The following ANGPT1 variants were observed in gnomAD, a reference collection of about 807,000 sequenced individuals.
The protein encoded by ANGPT1 is angiopoietin 1, also known as angiopoietin-1.
ANGPT1 carries 17 observed loss-of-function variants against 62.2 expected under a neutral mutation model. The observed-to-expected ratio is 0.27, with a 90% CI of 0.19 to 0.41. The LOEUF (loss-of-function observed/expected upper bound fraction) is 0.41, where lower values mean the gene tolerates loss of function less well. ANGPT1 is among the 10% of genes least tolerant of loss of function. The probability of loss-of-function intolerance (pLI) is 1.00; values close to 1 mark genes in which losing one functional copy is unlikely to be tolerated. For synonymous variants in ANGPT1, 199 were observed against 198.9 expected (o/e 1.00, Z 0.00); for missense variants, 478 against 594.9 (o/e 0.80, Z 2.04).
At chr8:107,361,823 C>A (rs909686842) in intron 1 of ANGPT1, among the ~76,000 whole-genome samples, 5 of 151,984 alleles carry the variant, frequency 3.3e-5, no homozygotes, top group African/African-American at 4.8e-5. Context: ...TTTTGGAAGG[C>A]CAAGACAGGC....
intron 7 of ANGPT1, 62 bp downstream of exon 7, chr8:107,284,620 C>A: frequency 7.8e-7 from 1 of 1,286,844 alleles, no homozygotes; most frequent in Admixed American, 2.8e-5. Flanking sequence ...CATATTTTCC[C>A]ACTACAATTA....
chr8:107,475,664 G>C (rs1166097686), intron 1 of ANGPT1, among the ~76,000 whole-genome samples: 1 of 152,152 alleles, frequency 6.6e-6, no homozygotes, highest in Non-Finnish European at 1.5e-5. Flanking sequence ...CAGAATGGGA[G>C]AAAATTTTTG....
chr8:107,344,817 A>G (rs542023918), intron 2 of ANGPT1, among the ~76,000 whole-genome samples: 22 of 152,308 alleles, frequency 1.4e-4, no homozygotes, highest in Non-Finnish European at 2.8e-4. Context: ...AGAAGGATCT[A>G]CTGGTTTTAT....
At chr8:107,492,836 G>A (rs1812999988) in intron 1 of ANGPT1, among the ~76,000 whole-genome samples, 2 of 150,140 alleles carry the variant, frequency 1.3e-5, no homozygotes, top group Non-Finnish European at 3.0e-5. Flanking sequence ...TTATACAGAT[G>A]CATATTATTA....
chr8:107,294,830 A>G (rs6982586), intron 5 of ANGPT1: 33,961 of 152,148 alleles, frequency 0.22, 4,316 homozygotes, highest in Middle Eastern at 0.37. Context: ...CATATCTGTA[A>G]TGGGATTATC....
At chr8:107,441,903 G>A (rs1466401071) in intron 1 of ANGPT1, among the ~76,000 whole-genome samples, 1 of 152,108 alleles carries the variant, frequency 6.6e-6, no homozygotes, top group Non-Finnish European at 1.5e-5. Context: ...GACCAACATA[G>A]TGAAACCCTG....
At chr8:107,399,803 A>G (rs1817008245) in intron 1 of ANGPT1, among the ~76,000 whole-genome samples, 1 of 152,140 alleles carries the variant, frequency 6.6e-6, no homozygotes. Flanking sequence ...AAACACCACA[A>G]TTGCCTTGAG....
chr8:107,356,966 C>T (rs1457882098), intron 1 of ANGPT1, among the ~76,000 whole-genome samples: 1 of 152,122 alleles, frequency 6.6e-6, no homozygotes, highest in Non-Finnish European at 1.5e-5. Context: ...GTTGTATGTA[C>T]GTATATACAA....
chr8:107,292,095 C>T (rs1347379596), intron 6 of ANGPT1, among the ~76,000 whole-genome samples: 1 of 152,120 alleles, frequency 6.6e-6, no homozygotes, highest in Non-Finnish European at 1.5e-5. Context: ...TGTTTCCATT[C>T]AGTTTCCAGA....
At chr8:107,443,178 T>C (rs903214219) in intron 1 of ANGPT1, among the ~76,000 whole-genome samples, 1 of 152,170 alleles carries the variant, frequency 6.6e-6, no homozygotes, top group Non-Finnish European at 1.5e-5. Flanking sequence ...GGCCATAAGA[T>C]TTCTGAGGGC....
intron 1 of ANGPT1, among the ~76,000 whole-genome samples, chr8:107,463,422 A>G (rs577554127): frequency 6.6e-6 from 1 of 152,138 alleles, no homozygotes; most frequent in African/African-American, 2.4e-5. Context: ...GTTATAAGCT[A>G]CTAAATTCTG....
intron 1 of ANGPT1, among the ~76,000 whole-genome samples, chr8:107,416,307 C>T (rs1563612886): frequency 1.3e-5 from 2 of 152,180 alleles, no homozygotes; most frequent in Non-Finnish European, 2.9e-5. Context: ...TTTGCTAGAG[C>T]AGCTCATAAA....
chr8:107,474,386 C>A (rs1812454018), intron 1 of ANGPT1, among the ~76,000 whole-genome samples: 1 of 152,082 alleles, frequency 6.6e-6, no homozygotes, highest in Non-Finnish European at 1.5e-5. Context: ...ATTCAACAGC[C>A]CTTCATTCTA....
chr8:107,476,537 T>C (rs893021568), intron 1 of ANGPT1, among the ~76,000 whole-genome samples: 2 of 152,084 alleles, frequency 1.3e-5, no homozygotes, highest in African/African-American at 4.8e-5. Context: ...TGTATACATA[T>C]GTAACAAACC....
At chr8:107,263,144 C>T (rs574427424) in intron 8 of ANGPT1, among the ~76,000 whole-genome samples, 23 of 151,820 alleles carry the variant, frequency 1.5e-4, no homozygotes, top group South Asian at 8.3e-4. Flanking sequence ...ACTTGAGGTC[C>T]GGAGTTCAAG....
At chr8:107,265,498 T>C (rs910879766) in intron 7 of ANGPT1, among the ~76,000 whole-genome samples, 20 of 152,220 alleles carry the variant, frequency 1.3e-4, no homozygotes, top group Admixed American at 1.3e-3. Context: ...TTAGAGTAGC[T>C]AAACTGAAGT....
intron 4 of ANGPT1, among the ~76,000 whole-genome samples, chr8:107,311,051 T>C (rs1468716299): frequency 6.6e-6 from 1 of 151,644 alleles, no homozygotes; most frequent in African/African-American, 2.4e-5. Context: ...GTTCATCTTC[T>C]AGTATCAGGC....
At chr8:107,472,153 C>T (rs1188793411) in intron 1 of ANGPT1, among the ~76,000 whole-genome samples, 4 of 151,984 alleles carry the variant, frequency 2.6e-5, no homozygotes, top group African/African-American at 9.7e-5. Context: ...AAAGAGAACA[C>T]AGAATAAAAG....
rs1554596406 is a variant in ANGPT1 at position 107,457,860 on chromosome 8, A to ACACG, written c.297+39401_297+39402insCGTG. ...CACACACACACACACACACACACACACACACACCAAGAGGGGAAAAAAATA... is the reference window on the plus strand; with the variant it reads ...CACACACACACACACACACACACACACACGCACACACCAAGAGGGGAAAAAAATA... On this transcript the variant is annotated intron_variant, in intron 1 of 8. Transcript: ENST00000517746. Among the ~76,000 whole-genome samples the ACACG allele has an allele frequency of 2.6e-3, 373 of 142,438 alleles. 3 individuals carry two copies. Among genetic ancestry groups the ACACG allele is most frequent in the South Asian group, 6.0e-3 (28 of 4,654 alleles). 93.4% of individuals were successfully genotyped at this position (142,438 alleles called of 152,430 possible). A position where few individuals can be genotyped will look rare whatever the true frequency, so the allele number is the denominator to read the frequency against.
Sources: gnomAD v4.1 joint callset for allele counts (sites outside exome capture counted in the v4.1 genomes callset) on GRCh38, gnomAD v4.1.1 for gene constraint, MANE v1.5 for transcripts, NCBI Gene and HGNC (gene_info 2026-07-23, HGNC 2026-07-21) for gene names.